Variants in HS3ST4 observed in about 807,000 individuals in gnomAD.
HS3ST4 encodes heparan sulfate-glucosamine 3-sulfotransferase 4.
Under a neutral mutation model 29.2 loss-of-function variants are expected in HS3ST4, and 17 were observed. The ratio of observed to expected loss-of-function variants is 0.58; its 90% CI spans 0.40 to 0.87. The LOEUF (loss-of-function observed/expected upper bound fraction) is 0.87. Ranked by LOEUF, HS3ST4 falls within the 40% of genes least tolerant of loss-of-function variation. The probability of loss-of-function intolerance (pLI) is 0.00; values close to 1 mark genes in which losing one functional copy is unlikely to be tolerated. For missense variants in HS3ST4, 627 were observed against 634.5 expected (o/e 0.99, Z 0.13); for synonymous variants, 314 against 285.7 (o/e 1.10, Z -1.00).
intron 1 of HS3ST4, among the ~76,000 whole-genome samples, chr16:25,971,584 A>G (rs928804325): frequency 6.6e-6 from 1 of 152,172 alleles, no homozygotes; most frequent in African/African-American, 2.4e-5. Flanking sequence ...TTCATTCATC[A>G]ACCTTTCCAT....
chr16:25,791,459 A>G (rs1293542344), intron 1 of HS3ST4, among the ~76,000 whole-genome samples: 2 of 152,084 alleles, frequency 1.3e-5, no homozygotes, highest in South Asian at 2.1e-4. Context: ...ATTACATCCA[A>G]TTTGATTGGA....
chr16:25,996,697 G>T (rs1382302680), intron 1 of HS3ST4, among the ~76,000 whole-genome samples: 1 of 152,082 alleles, frequency 6.6e-6, no homozygotes, highest in Admixed American at 6.6e-5. Context: ...GCCAAGGCAA[G>T]TCATTTTTCA....
intron 1 of HS3ST4, among the ~76,000 whole-genome samples, chr16:25,766,919 C>T (rs1366084597): frequency 6.6e-6 from 1 of 152,144 alleles, no homozygotes; most frequent in Non-Finnish European, 1.5e-5. Flanking sequence ...ATACACGCAC[C>T]TAGTCTGGGC....
chr16:25,877,429 C>T (rs34782468), intron 1 of HS3ST4, among the ~76,000 whole-genome samples: 30,559 of 152,144 alleles, frequency 0.2, 3,925 homozygotes, highest in Non-Finnish European at 0.3. Flanking sequence ...CAAGTCTTCT[C>T]TCTCTGTTAA....
intron 1 of HS3ST4, among the ~76,000 whole-genome samples, chr16:25,726,070 A>C (rs544374514): frequency 6.6e-6 from 1 of 152,302 alleles, no homozygotes; most frequent in South Asian, 2.1e-4. Flanking sequence ...CTTTCATTCT[A>C]TTTAAAAGGC....
intron 1 of HS3ST4, among the ~76,000 whole-genome samples, chr16:25,722,656 A>G (rs1032575960): frequency 6.6e-6 from 1 of 152,238 alleles, no homozygotes; most frequent in Admixed American, 6.5e-5. Context: ...CCTTGAAAAC[A>G]CAGGGCAGTG....
At chr16:26,125,311 A>G (rs751770636) in intron 1 of HS3ST4, among the ~76,000 whole-genome samples, 11 of 151,774 alleles carry the variant, frequency 7.2e-5, no homozygotes, top group Non-Finnish European at 1.0e-4. Flanking sequence ...TTTCAGGATG[A>G]AACTGTTCCA....
chr16:25,775,598 C>A (rs1185416157), intron 1 of HS3ST4, among the ~76,000 whole-genome samples: 1 of 152,216 alleles, frequency 6.6e-6, no homozygotes, highest in African/African-American at 2.4e-5. Context: ...TCACTTTCCC[C>A]TGAATTCTTG....
At chr16:25,859,862 T>A (rs1378499475) in intron 1 of HS3ST4, among the ~76,000 whole-genome samples, 3 of 152,144 alleles carry the variant, frequency 2.0e-5, no homozygotes, top group Non-Finnish European at 4.4e-5. Flanking sequence ...TCCCAGGCCA[T>A]GGACCAGTAG....
intron 1 of HS3ST4, among the ~76,000 whole-genome samples, chr16:25,980,335 C>T (rs1968991608): frequency 6.6e-6 from 1 of 152,224 alleles, no homozygotes; most frequent in Non-Finnish European, 1.5e-5. Context: ...TGGATAATGT[C>T]TCCTTATCCT....
At chr16:25,986,638 A>G (rs184368632) in intron 1 of HS3ST4, among the ~76,000 whole-genome samples, 59 of 152,350 alleles carry the variant, frequency 3.9e-4, no homozygotes, top group Admixed American at 2.9e-3. Context: ...GATGCTTATG[A>G]ATAAAATTTA....
intron 1 of HS3ST4, among the ~76,000 whole-genome samples, chr16:25,709,165 A>G (rs151030742): frequency 2.8e-4 from 43 of 151,870 alleles, no homozygotes; most frequent in African/African-American, 1.0e-3. Flanking sequence ...CGCCGCTCAG[A>G]TGGTTGACTG....
intron 1 of HS3ST4, among the ~76,000 whole-genome samples, chr16:25,899,390 A>G (rs1369399617): frequency 6.6e-6 from 1 of 152,242 alleles, no homozygotes; most frequent in East Asian, 1.9e-4. Context: ...GTAGAAGCTG[A>G]AAAGCTTGGG....
rs539181106 is a variant in HS3ST4, at chr16:26,009,710, C to A, written c.735-125902C>A. Among the ~76,000 whole-genome samples, 5 of 152,340 alleles carry A rather than the reference C, an allele frequency of 3.3e-5. No homozygotes were observed. In the South Asian group the frequency reaches 1.0e-3, roughly 32 times the overall value. ...CTTATAGTCTTACACCCAGAAATAA[C>A]CTATTTCACTCCCACTCACATTTTA... On this transcript the variant is annotated intron_variant, in intron 1 of 1. Transcript: ENST00000331351.
At chr16:25,785,580 G>T (rs1567239446) in intron 1 of HS3ST4, among the ~76,000 whole-genome samples, 1 of 152,192 alleles carries the variant, frequency 6.6e-6, no homozygotes, top group Non-Finnish European at 1.5e-5. Flanking sequence ...TATGTCAGAA[G>T]ATTGGCATGA....
At chr16:25,702,972 C>T (rs186966088) in intron 1 of HS3ST4, among the ~76,000 whole-genome samples, 218 of 152,052 alleles carry the variant, frequency 1.4e-3, no homozygotes, top group African/African-American at 4.8e-3. Flanking sequence ...CATCCTGGCT[C>T]ACGTGGTGAA....
intron 1 of HS3ST4, among the ~76,000 whole-genome samples, chr16:26,072,524 A>G (rs1035172006): frequency 6.6e-6 from 1 of 152,206 alleles, no homozygotes; most frequent in Non-Finnish European, 1.5e-5. Context: ...ACAGGATAAC[A>G]TCCCATTTTT....
At chr16:25,966,296 G>A (rs1011820841) in intron 1 of HS3ST4, among the ~76,000 whole-genome samples, 1 of 152,068 alleles carries the variant, frequency 6.6e-6, no homozygotes, top group Non-Finnish European at 1.5e-5. Flanking sequence ...GCCTCTACTA[G>A]GTAATGATAT....
At chr16:25,884,207 C>T (rs1022022283) in intron 1 of HS3ST4, among the ~76,000 whole-genome samples, 3 of 152,046 alleles carry the variant, frequency 2.0e-5, no homozygotes, top group East Asian at 3.9e-4. Context: ...GTTCAGTACT[C>T]GAGGAAAGTA....
Sources: allele counts gnomAD v4.1 joint callset (sites outside exome capture counted in the v4.1 genomes callset), GRCh38; gene constraint gnomAD v4.1.1; transcripts MANE v1.5; gene names NCBI Gene and HGNC (gene_info 2026-07-23, HGNC 2026-07-21).